The following CTNNA3 variants were observed in gnomAD, a reference collection of about 807,000 sequenced individuals.
CTNNA3 encodes the protein catenin alpha 3.
In CTNNA3, 76 loss-of-function variants were observed where a neutral mutation model predicts 95.7. That is an observed-to-expected ratio of 0.79 (90% confidence interval 0.66 to 0.96). The LOEUF is 0.96. CTNNA3 is among the 40% of genes least tolerant of loss of function. The pLI is 0.00. For missense variants in CTNNA3, 1,191 were observed against 1,089.8 expected (o/e 1.09, Z -1.31); for synonymous variants, 431 against 374.4 (o/e 1.15, Z -1.74).
chr10:66,494,273 A>G (rs892596128), intron 11 of CTNNA3, among the ~76,000 whole-genome samples: 8 of 152,178 alleles, frequency 5.3e-5, no homozygotes, highest in Admixed American at 4.6e-4. Flanking sequence ...TTGTTGCTCA[A>G]TAGAAATCCA....
intron 12 of CTNNA3, among the ~76,000 whole-genome samples, chr10:66,309,488 C>A (rs577715407): frequency 2.7e-5 from 4 of 150,866 alleles, no homozygotes; most frequent in Non-Finnish European, 4.4e-5. Context: ...GTCAGGAGAT[C>A]GAGACCATCC....
intron 9 of CTNNA3, among the ~76,000 whole-genome samples, chr10:66,732,154 G>C (rs534178762): frequency 6.6e-6 from 1 of 152,190 alleles, no homozygotes; most frequent in African/African-American, 2.4e-5. Context: ...GGCTTGGAGA[G>C]GTTGCCCATG....
chr10:66,541,573 A>G (rs1219955177), intron 10 of CTNNA3, among the ~76,000 whole-genome samples: 1 of 152,128 alleles, frequency 6.6e-6, no homozygotes, highest in Non-Finnish European at 1.5e-5. Context: ...GTTAGGTAAA[A>G]TGTTCTACAG....
rs11418140 is a variant in CTNNA3, at chr10:67,319,896, C to CAAA, written c.580-100029_580-100027dup. The stretch of plus-strand genomic sequence containing the variant: ...GGGTGACAAGAGCGAGACTCAGTCT[C>CAAA]AAAAAAAAAAAAAAAAAAAAATTCT... On this transcript the variant is annotated intron_variant, in intron 5 of 17. Coordinates refer to ENST00000433211, the MANE Select transcript of CTNNA3 (RefSeq NM_013266.4). Among the ~76,000 whole-genome samples the CAAA allele has an allele frequency of 5.7e-3, 581 of 102,612 alleles. 10 individuals are homozygous for CAAA. The highest frequency in any genetic ancestry group is 0.019 in the African/African-American group (475 of 24,756). The allele number at this position is 102,612 out of a possible 152,430, so 67.3% of individuals were successfully genotyped here.
At chr10:67,690,400 T>A (rs1295336115) in intron 1 of CTNNA3, among the ~76,000 whole-genome samples, 1 of 152,218 alleles carries the variant, frequency 6.6e-6, no homozygotes, top group South Asian at 2.1e-4. Flanking sequence ...AGGTTGCCAC[T>A]GCTGGCTCAG....
chr10:67,451,228 A>G (rs1368516402), intron 5 of CTNNA3, among the ~76,000 whole-genome samples: 3 of 152,108 alleles, frequency 2.0e-5, no homozygotes, highest in Non-Finnish European at 2.9e-5. Flanking sequence ...CAGCCGCTTG[A>G]TCTTGGACTT....
intron 11 of CTNNA3, among the ~76,000 whole-genome samples, chr10:66,449,818 TTTCTTTTGATC>T (rs140287782): frequency 0.01 from 1,597 of 152,216 alleles, 28 homozygotes; most frequent in African/African-American, 0.037. Context: ...AATACATGCA[TTTCTTTTGATC>T]TTCTACATGA....
At chr10:66,039,133 A>G (rs924110858) in intron 15 of CTNNA3, among the ~76,000 whole-genome samples, 2 of 152,184 alleles carry the variant, frequency 1.3e-5, no homozygotes, top group African/African-American at 2.4e-5. Flanking sequence ...CAGGAATGCA[A>G]TCTCATTCAC....
chr10:66,503,528 G>C (rs1840348762), intron 11 of CTNNA3, among the ~76,000 whole-genome samples: 1 of 151,844 alleles, frequency 6.6e-6, no homozygotes, highest in Non-Finnish European at 1.5e-5. Context: ...GAGTGCAGTG[G>C]TGTGATCTCA....
At chr10:66,322,733 C>A (rs1323143387) in intron 12 of CTNNA3, among the ~76,000 whole-genome samples, 1 of 151,972 alleles carries the variant, frequency 6.6e-6, no homozygotes, top group African/African-American at 2.4e-5. Context: ...ATATATGTTG[C>A]CAGCTGCACT....
At chr10:66,429,874 T>C (rs2093278992) in intron 11 of CTNNA3, among the ~76,000 whole-genome samples, 1 of 151,856 alleles carries the variant, frequency 6.6e-6, no homozygotes, top group African/African-American at 2.4e-5. Flanking sequence ...ACCACTCCTA[T>C]TCAACATAGT....
chr10:67,201,712 C>T (rs947490162), intron 6 of CTNNA3, among the ~76,000 whole-genome samples: 1 of 152,112 alleles, frequency 6.6e-6, no homozygotes, highest in Non-Finnish European at 1.5e-5. Flanking sequence ...CAATTATATC[C>T]TCCATTTCAC....
At chr10:66,976,410 C>T (rs1350880264) in intron 7 of CTNNA3, among the ~76,000 whole-genome samples, 1 of 152,136 alleles carries the variant, frequency 6.6e-6, no homozygotes, top group Non-Finnish European at 1.5e-5. Context: ...CTCTGGAACC[C>T]ACATGACCTT....
rs180903843 is a variant in CTNNA3, at chr10:66,186,646, T to A, written c.1885-83397A>T. Among the ~76,000 whole-genome samples, 6 of 152,314 alleles carry A rather than the reference T, an allele frequency of 3.9e-5. No homozygotes were observed. The East Asian group carries it at 1.2e-3, about 29-fold the overall frequency. On this transcript the variant is annotated intron_variant, in intron 13 of 17. Transcript: ENST00000433211. ...AAAATTATCTGAACTCAGGTTATTGTCAAGACTGGTTTTATGGTTTTATCC... is the reference window on the plus strand; with the variant it reads ...AAAATTATCTGAACTCAGGTTATTGACAAGACTGGTTTTATGGTTTTATCC...
chr10:67,722,761 T>C (rs753083607), intron 1 of CTNNA3, among the ~76,000 whole-genome samples: 3 of 152,136 alleles, frequency 2.0e-5, no homozygotes, highest in Non-Finnish European at 4.4e-5. Flanking sequence ...CAAAAGACCT[T>C]TTAAATGACT....
Position 67,144,597 on chromosome 10 carries a change from G to A in CTNNA3, c.1047+35720C>T, listed in dbSNP as rs79046267. Among the ~76,000 whole-genome samples, 1,241 of 152,268 alleles carry A rather than the reference G, an allele frequency of 8.2e-3. 23 individuals are homozygous for A. The highest frequency in any genetic ancestry group is 0.028 in the African/African-American group (1,177 of 41,548). ...CCCTACACTTTTATGTTATAGAGCT[G>A]ACTTATTTCCTTACATGAAACAAAC... is the stretch of plus-strand genomic sequence containing the variant. On this transcript the variant is annotated intron_variant, in intron 7 of 17. Transcript: ENST00000433211.
At chr10:67,699,673 C>T (rs886510759), upstream of CTNNA3, among the ~76,000 whole-genome samples, 1 of 152,346 alleles carries the variant, frequency 6.6e-6, no homozygotes, top group South Asian at 2.1e-4. Flanking sequence ...CAGCTCCGGT[C>T]TACAGCTCCC....
At chr10:67,307,897 C>A (rs1171024739) in intron 5 of CTNNA3, among the ~76,000 whole-genome samples, 2 of 152,060 alleles carry the variant, frequency 1.3e-5, no homozygotes, top group African/African-American at 4.8e-5. Context: ...ATGAAATTAA[C>A]CAGTGGAATT....
At chr10:67,424,994 G>A (rs1845869954) in intron 5 of CTNNA3, among the ~76,000 whole-genome samples, 1 of 152,006 alleles carries the variant, frequency 6.6e-6, no homozygotes, top group African/African-American at 2.4e-5. Flanking sequence ...AATGTTTTCG[G>A]AATTAACTGG....
Sources: allele counts gnomAD v4.1 joint callset (sites outside exome capture counted in the v4.1 genomes callset), GRCh38; gene constraint gnomAD v4.1.1; transcripts MANE v1.5; gene names NCBI Gene and HGNC (gene_info 2026-07-23, HGNC 2026-07-21).